Variants in STAU2 observed in about 807,000 individuals in gnomAD.
STAU2 encodes staufen double-stranded RNA binding protein 2.
STAU2 carries 20 observed loss-of-function variants against 65.9 expected under a neutral mutation model. The observed-to-expected ratio is 0.30, with a 90% CI of 0.21 to 0.44. STAU2 has a LOEUF of 0.44. Ranked by LOEUF, STAU2 falls within the 20% of genes least tolerant of loss-of-function variation. The pLI, the probability that STAU2 is intolerant of heterozygous loss-of-function variation, is 1.00. For synonymous variants in STAU2, 232 were observed against 233.9 expected (o/e 0.99, Z 0.07); for missense variants, 558 against 683.9 (o/e 0.82, Z 2.05).
At chr8:73,545,686 C>T (rs889515050) in intron 13 of STAU2, among the ~76,000 whole-genome samples, 2 of 149,172 alleles carry the variant, frequency 1.3e-5, no homozygotes, top group East Asian at 2.0e-4. Flanking sequence ...CTCACACTGT[C>T]GCCCAGGCTG....
chr8:73,638,826 C>T (rs1814748994), intron 6 of STAU2, among the ~76,000 whole-genome samples: 2 of 148,550 alleles, frequency 1.3e-5, no homozygotes, highest in African/African-American at 2.5e-5. Flanking sequence ...TGACCTGAGT[C>T]ATATTCTTAC....
intron 3 of STAU2, among the ~76,000 whole-genome samples, chr8:73,716,929 C>T (rs1821291222): frequency 1.3e-5 from 2 of 152,036 alleles, no homozygotes; most frequent in South Asian, 2.1e-4. Flanking sequence ...CATGGTACCC[C>T]GCCTCTATTA....
chr8:73,662,123 T>C (rs1816873324), intron 6 of STAU2, among the ~76,000 whole-genome samples: 1 of 152,170 alleles, frequency 6.6e-6, no homozygotes, highest in African/African-American at 2.4e-5. Flanking sequence ...TAGCTATGGT[T>C]TTAATTTGCA....
intron 3 of STAU2, among the ~76,000 whole-genome samples, chr8:73,710,009 G>A (rs1820783989): frequency 6.6e-6 from 1 of 151,830 alleles, no homozygotes; most frequent in Admixed American, 6.6e-5. Flanking sequence ...TTACAATATT[G>A]CACCAGTTTT....
rs546554150 is a variant in STAU2, at chr8:73,714,194, C to A, written c.-17-5032G>T. On this transcript the variant is annotated intron_variant, in intron 3 of 14. Transcript: ENST00000524300. ...GTGGGATTACAGGCGTGAGCCACCACGCCCGGCCTTAAACACAGTTTCTAT... is the reference window on the plus strand; with the variant it reads ...GTGGGATTACAGGCGTGAGCCACCAAGCCCGGCCTTAAACACAGTTTCTAT... 4.6e-5 allele frequency among the ~76,000 whole-genome samples: 7 copies of A among 152,310 alleles called. No individual in the cohort carries two copies. The South Asian group carries it at 1.2e-3, about 27-fold the overall frequency.
chr8:73,527,942 G>T, intron 13 of STAU2: 1 of 490,696 alleles, frequency 2.0e-6, no homozygotes, highest in Non-Finnish European at 3.7e-6. Flanking sequence ...TCCAATATCT[G>T]GGACTTGAAT....
At chr8:73,708,428 T>C (rs563056434) in intron 4 of STAU2, among the ~76,000 whole-genome samples, 1 of 152,186 alleles carries the variant, frequency 6.6e-6, no homozygotes, top group South Asian at 2.1e-4. Flanking sequence ...AGTTGTAGAT[T>C]TGTAACATGT....
At chr8:73,723,366 T>C (rs1424139429) in intron 3 of STAU2, among the ~76,000 whole-genome samples, 1 of 152,252 alleles carries the variant, frequency 6.6e-6, no homozygotes, top group Non-Finnish European at 1.5e-5. Flanking sequence ...GGACCTGCTA[T>C]ACCTTGGTGT....
chr8:73,537,819 A>T (rs1173250595), intron 13 of STAU2, among the ~76,000 whole-genome samples: 1 of 152,208 alleles, frequency 6.6e-6, no homozygotes, highest in Non-Finnish European at 1.5e-5. Flanking sequence ...GAAGTTTCTA[A>T]ATTATATTTG....
intron 13 of STAU2, among the ~76,000 whole-genome samples, chr8:73,502,979 T>C (rs1051835060): frequency 6.6e-6 from 1 of 152,076 alleles, no homozygotes; most frequent in African/African-American, 2.4e-5. Context: ...TAGAAACCAG[T>C]GGGAAAAACT....
At chr8:73,528,543 T>A (rs946093446) in intron 13 of STAU2, among the ~76,000 whole-genome samples, 1 of 152,162 alleles carries the variant, frequency 6.6e-6, no homozygotes, top group Non-Finnish European at 1.5e-5. Flanking sequence ...TTCCAGGTTT[T>A]TAAAATTGTA....
chr8:73,651,353 T>G, intron 6 of STAU2: 1 of 679,956 alleles, frequency 1.5e-6, no homozygotes, highest in Non-Finnish European at 2.7e-6. Context: ...GCACCACCAG[T>G]ACCTGGGCCC....
At chr8:73,574,361 G>C (rs1809349012) in intron 12 of STAU2, among the ~76,000 whole-genome samples, 2 of 152,098 alleles carry the variant, frequency 1.3e-5, no homozygotes, top group African/African-American at 4.8e-5. Context: ...CTCGTCAAGA[G>C]TCTAGAACTA....
intron 6 of STAU2, among the ~76,000 whole-genome samples, chr8:73,670,856 A>C (rs1394611408): frequency 6.6e-6 from 1 of 152,190 alleles, no homozygotes; most frequent in African/African-American, 2.4e-5. Context: ...AAGAAGTGAG[A>C]GAAATAAAGA....
intron 3 of STAU2, among the ~76,000 whole-genome samples, chr8:73,735,882 C>G (rs887393508): frequency 2.8e-4 from 42 of 152,084 alleles, no homozygotes; most frequent in Non-Finnish European, 7.4e-5. Flanking sequence ...ATGGTCATTT[C>G]CAAATGTCTG....
At chr8:73,740,561 T>G (rs1806779797) in intron 1 of STAU2, among the ~76,000 whole-genome samples, 1 of 152,134 alleles carries the variant, frequency 6.6e-6, no homozygotes. Context: ...GAATGGAGTA[T>G]CTCATTAAAA....
rs1563506850 is a variant in STAU2, at chr8:73,687,348, A to ATTTATAAATATAAATTAT, written c.274+1305_274+1306insATAATTTATATTTATAAA. ...ATTTATAAATATAATTTATATTTAT[A>ATTTATAAATATAAATTAT]ATTTATATAATATAAATATAATTTA... On this transcript the variant is annotated intron_variant, in intron 5 of 14. Coordinates refer to ENST00000524300, the MANE Select transcript of STAU2 (RefSeq NM_001164380.2). Among the ~76,000 whole-genome samples, 25 of 29,742 alleles carry ATTTATAAATATAAATTAT rather than the reference A, an allele frequency of 8.4e-4. 1 individual carries two copies. The highest frequency in any genetic ancestry group is 1.8e-3 in the South Asian group (2 of 1,112). 19.5% of individuals were successfully genotyped at this position (29,742 alleles called of 152,430 possible). A position where few individuals can be genotyped will look rare whatever the true frequency, so the allele number is the denominator to read the frequency against.
chr8:73,674,353 ACT>A (rs1817890274), intron 5 of STAU2, among the ~76,000 whole-genome samples: 1 of 151,896 alleles, frequency 6.6e-6, no homozygotes, highest in Non-Finnish European at 1.5e-5. Flanking sequence ...GACTTAAAAA[ACT>A]GTAAAATAGC....
chr8:73,504,082 C>T (rs1321252652), intron 13 of STAU2, among the ~76,000 whole-genome samples: 1 of 152,124 alleles, frequency 6.6e-6, no homozygotes, highest in Non-Finnish European at 1.5e-5. Flanking sequence ...GAATAGCACA[C>T]TTTGAAAATG....
Sources: gnomAD v4.1 joint callset for allele counts (sites outside exome capture counted in the v4.1 genomes callset) on GRCh38, gnomAD v4.1.1 for gene constraint, MANE v1.5 for transcripts, NCBI Gene and HGNC (gene_info 2026-07-23, HGNC 2026-07-21) for gene names.